Variants in SPATA6 observed in about 807,000 individuals in gnomAD.
The protein encoded by SPATA6 is spermatogenesis associated 6.
A neutral mutation model predicts 65.3 loss-of-function variants in SPATA6; 56 were observed. The observed-to-expected ratio is 0.86, with a 90% CI of 0.69 to 1.07. The LOEUF (loss-of-function observed/expected upper bound fraction) is 1.07, where lower values mean the gene tolerates loss of function less well. SPATA6 is among the 50% of genes least tolerant of loss of function. SPATA6 has a pLI of 0.00. For missense variants in SPATA6, 590 were observed against 594.8 expected, an observed-to-expected ratio of 0.99 and a Z score of 0.08; for synonymous variants, 199 against 213.2, an observed-to-expected ratio of 0.93 and a Z score of 0.58.
intron 6 of SPATA6, among the ~76,000 whole-genome samples, chr1:48,402,377 T>C (rs1473706569): frequency 2.0e-5 from 3 of 152,080 alleles, no homozygotes; most frequent in African/African-American, 2.4e-5. Flanking sequence ...TGGAAGAACA[T>C]ACTCCAGCGT....
chr1:48,279,959 G>A, the SPATA6 span, among the ~76,000 whole-genome samples: 1 of 152,080 alleles, frequency 6.6e-6, no homozygotes, highest in African/African-American at 2.4e-5. Context: ...AAATGTAAAA[G>A]AACAGAAATT....
At chr1:48,275,924 G>A in the SPATA6 span, among the ~76,000 whole-genome samples, 1 of 152,046 alleles carries the variant, frequency 6.6e-6, no homozygotes, top group Admixed American at 6.6e-5. Flanking sequence ...GCTCCTCTTT[G>A]TACCTCTGGT....
the SPATA6 span, among the ~76,000 whole-genome samples, chr1:48,271,100 A>C: frequency 6.6e-6 from 1 of 152,144 alleles, no homozygotes; most frequent in East Asian, 1.9e-4. Flanking sequence ...GGAACCAAGA[A>C]ATTTGCATTT....
At chr1:48,415,882 T>C (rs543725140) in intron 3 of SPATA6, among the ~76,000 whole-genome samples, 2 of 152,236 alleles carry the variant, frequency 1.3e-5, no homozygotes, top group African/African-American at 4.8e-5. Flanking sequence ...GCATGTCATA[T>C]TCAAACTTCT....
At chr1:48,293,225 GA>G (rs1241029237), downstream of SPATA6, among the ~76,000 whole-genome samples, 2 of 152,206 alleles carry the variant, frequency 1.3e-5, no homozygotes, top group Admixed American at 6.5e-5. Flanking sequence ...CACAAATTGT[GA>G]AGAGGCTGGA....
At chr1:48,263,517 C>T in the SPATA6 span, among the ~76,000 whole-genome samples, 1 of 152,166 alleles carries the variant, frequency 6.6e-6, no homozygotes, top group Non-Finnish European at 1.5e-5. Flanking sequence ...AAACACACTT[C>T]ATTAACCCTT....
chr1:48,353,795 T>C (rs1646580628), intron 11 of SPATA6, among the ~76,000 whole-genome samples: 1 of 151,920 alleles, frequency 6.6e-6, no homozygotes, highest in African/African-American at 2.4e-5. Context: ...TTCATATATT[T>C]AAATGTTAAA....
chr1:48,463,650 A>G (rs1657605821), intron 1 of SPATA6, among the ~76,000 whole-genome samples: 1 of 152,246 alleles, frequency 6.6e-6, no homozygotes, highest in East Asian at 1.9e-4. Flanking sequence ...AAGAAGAAGG[A>G]AAAAGGGATT....
chr1:48,447,564 C>T (rs897539658), intron 3 of SPATA6, among the ~76,000 whole-genome samples: 3 of 152,072 alleles, frequency 2.0e-5, no homozygotes, highest in African/African-American at 4.8e-5. Context: ...CATGGGGAGA[C>T]GGCACCCCTA....
the SPATA6 span, among the ~76,000 whole-genome samples, chr1:48,282,510 C>T: frequency 0.071 from 10,874 of 152,100 alleles, 500 homozygotes; most frequent in East Asian, 0.17. Context: ...ACAACCCCAT[C>T]AAAAATGGGC....
At chr1:48,333,852 G>A (rs1645983257) in intron 11 of SPATA6, among the ~76,000 whole-genome samples, 1 of 152,046 alleles carries the variant, frequency 6.6e-6, no homozygotes, top group South Asian at 2.1e-4. Context: ...ACAAATCTAG[G>A]AATTGGTTTC....
chr1:48,311,942 G>T (rs1645224182), intron 11 of SPATA6, among the ~76,000 whole-genome samples: 1 of 152,196 alleles, frequency 6.6e-6, no homozygotes, highest in African/African-American at 2.4e-5. Context: ...GGCTTGGAGG[G>T]TCCTACGCCC....
chr1:48,430,699 T>G (rs931499060), intron 3 of SPATA6, among the ~76,000 whole-genome samples: 4 of 152,178 alleles, frequency 2.6e-5, no homozygotes, highest in Non-Finnish European at 4.4e-5. Flanking sequence ...AGTATAAACA[T>G]GTAATTAGTG....
At chr1:48,461,655 C>T (rs950186027) in intron 1 of SPATA6, among the ~76,000 whole-genome samples, 2 of 152,182 alleles carry the variant, frequency 1.3e-5, no homozygotes, top group Non-Finnish European at 2.9e-5. Context: ...TACCATCTCA[C>T]ACCAGTTAGA....
rs71056668 is a variant in SPATA6 at position 48,437,897 on chromosome 1, G to GA, written c.238+13654dup. Reference sequence around the variant, plus strand: ...GCTCAATAAAGATATACTGAATTGAGAAAAAAAAAAAAACACACCAATCAG... The same window carrying GA: ...GCTCAATAAAGATATACTGAATTGAGAAAAAAAAAAAAAACACACCAATCAG... On this transcript the variant is annotated intron_variant, in intron 3 of 12. Coordinates refer to ENST00000371847, the MANE Select transcript of SPATA6 (RefSeq NM_019073.4). 1.7e-3 allele frequency among the ~76,000 whole-genome samples: 241 copies of GA among 138,954 alleles called. 1 individual carries two copies. Among genetic ancestry groups the GA allele is most frequent in the African/African-American group, 4.1e-3 (146 of 35,784 alleles). The allele number at this position is 138,954 out of a possible 152,430, so 91.2% of individuals were successfully genotyped here. A position where few individuals can be genotyped will look rare whatever the true frequency, so the allele number is the denominator to read the frequency against.
intron 9 of SPATA6, among the ~76,000 whole-genome samples, chr1:48,364,996 C>T (rs1646951434): frequency 6.6e-6 from 1 of 152,108 alleles, no homozygotes; most frequent in Non-Finnish European, 1.5e-5. Context: ...GGAAAGGATC[C>T]AGTTTCAGCT....
intron 3 of SPATA6, among the ~76,000 whole-genome samples, chr1:48,428,283 C>T (rs923522544): frequency 2.6e-5 from 4 of 152,044 alleles, no homozygotes; most frequent in Admixed American, 6.6e-5. Flanking sequence ...GGAGAAACCC[C>T]GTCTCTACCA....
At chr1:48,317,538 G>C (rs1008071889) in intron 11 of SPATA6, among the ~76,000 whole-genome samples, 4 of 151,804 alleles carry the variant, frequency 2.6e-5, no homozygotes, top group African/African-American at 9.7e-5. Flanking sequence ...GGGGTGGGGG[G>C]AGAGGGGAGG....
the SPATA6 span, among the ~76,000 whole-genome samples, chr1:48,268,186 C>A: frequency 3.9e-5 from 6 of 152,034 alleles, no homozygotes; most frequent in African/African-American, 1.4e-4. Flanking sequence ...AAGGGTGGAG[C>A]CCTTGCCAGG....
Sources: gnomAD v4.1 joint callset for allele counts (sites outside exome capture counted in the v4.1 genomes callset) on GRCh38, gnomAD v4.1.1 for gene constraint, MANE v1.5 for transcripts, NCBI Gene and HGNC (gene_info 2026-07-23, HGNC 2026-07-21) for gene names.